Variants in TCF4 observed in about 807,000 individuals in gnomAD.
TCF4 encodes transcription factor 4.
TCF4 carries 3 observed loss-of-function variants against 82.1 expected under a neutral mutation model. The observed-to-expected ratio is 0.04, with a 90% CI of 0.02 to 0.09. TCF4 has a LOEUF of 0.09. Among genes scored for constraint, TCF4 ranks in the 10% least tolerant of loss-of-function variants. The pLI is 1.00. For synonymous variants in TCF4, 276 were observed against 309.6 expected (o/e 0.89, Z 1.14); for missense variants, 518 against 852.7 (o/e 0.61, Z 4.89).
At chr18:55,372,900 T>C (rs958520776) in intron 6 of TCF4, among the ~76,000 whole-genome samples, 4 of 152,068 alleles carry the variant, frequency 2.6e-5, no homozygotes, top group African/African-American at 4.8e-5. Flanking sequence ...AATAGAGATA[T>C]ATAATTTGAA....
At chr18:55,270,287 C>A (rs2060069604) in intron 10 of TCF4, among the ~76,000 whole-genome samples, 1 of 152,056 alleles carries the variant, frequency 6.6e-6, no homozygotes, top group African/African-American at 2.4e-5. Flanking sequence ...GACCACTCTA[C>A]TATTAATTTT....
intron 3 of TCF4, among the ~76,000 whole-genome samples, chr18:55,573,310 A>C (rs2097494124): frequency 6.6e-6 from 1 of 152,008 alleles, no homozygotes; most frequent in Non-Finnish European, 1.5e-5. Context: ...AAAAAAAAAA[A>C]AAAAACAAGT....
chr18:55,457,421 A>G (rs1017994063), intron 5 of TCF4, among the ~76,000 whole-genome samples: 1 of 152,258 alleles, frequency 6.6e-6, no homozygotes, highest in African/African-American at 2.4e-5. Context: ...GGGATTCACA[A>G]ACTATCAAAT....
chr18:55,298,597 T>C (rs1399047687), intron 8 of TCF4, among the ~76,000 whole-genome samples: 3 of 152,196 alleles, frequency 2.0e-5, no homozygotes, highest in African/African-American at 7.2e-5. Context: ...AACAGAAATG[T>C]TGTCTTAAGC....
intron 8 of TCF4, among the ~76,000 whole-genome samples, chr18:55,315,527 CA>C (rs1446304999): frequency 2.0e-5 from 3 of 151,996 alleles, no homozygotes; most frequent in African/African-American, 7.2e-5. Context: ...TTTAGCACTG[CA>C]AAAAGGAAAG....
intron 3 of TCF4, among the ~76,000 whole-genome samples, chr18:55,468,881 GCCC>G (rs5825142): frequency 4.7e-5 from 5 of 106,146 alleles, no homozygotes; most frequent in African/African-American, 1.4e-4. Context: ...TTTAGTTCTC[GCCC>G]CCCCCCCCCT....
At chr18:55,261,395 A>T in intron 12 of TCF4, 71 bp downstream of exon 12, 1 of 1,565,578 alleles carries the variant, frequency 6.4e-7, no homozygotes, top group Non-Finnish European at 8.8e-7. Flanking sequence ...TAAAATTCCA[A>T]ATGTCCACTT....
chr18:55,468,528 GC>G (rs1297812448), intron 3 of TCF4, among the ~76,000 whole-genome samples: 1 of 152,130 alleles, frequency 6.6e-6, no homozygotes, highest in Non-Finnish European at 1.5e-5. Context: ...CGATAGTTCA[GC>G]AAGTACACAG....
intron 6 of TCF4, among the ~76,000 whole-genome samples, chr18:55,389,053 G>C (rs1190002296): frequency 6.6e-6 from 1 of 150,724 alleles, no homozygotes; most frequent in Non-Finnish European, 1.5e-5. Context: ...ATGAACCCGG[G>C]AGGCAGGGAT....
intron 8 of TCF4, among the ~76,000 whole-genome samples, chr18:55,301,788 T>TAA (rs10652622): frequency 0.29 from 16,396 of 56,250 alleles, 2,862 homozygotes; most frequent in Middle Eastern, 0.39. Flanking sequence ...CCAAAAACTG[T>TAA]AAAAAAAAAA....
Position 55,232,681 on chromosome 18 carries a change from A to C in TCF4, c.1487-10T>G. 1.2e-6 allele frequency: 2 copies of C among 1,614,116 alleles called. No homozygotes were observed. The highest frequency in any genetic ancestry group is 1.7e-6 in the Non-Finnish European group (2 of 1,180,008). On this transcript the variant is annotated splice_polypyrimidine_tract_variant and intron_variant, in intron 16 of 19. Coordinates refer to ENST00000354452, the MANE Select transcript of TCF4 (RefSeq NM_001083962.2). ...AGTCCTGGTGGCATGCCTGCCGAAA[A>C]AGAGAAATCAGGTGACATGTACACC...
intron 6 of TCF4, among the ~76,000 whole-genome samples, chr18:55,374,142 G>C (rs952290197): frequency 6.6e-6 from 1 of 151,914 alleles, no homozygotes; most frequent in Non-Finnish European, 1.5e-5. Context: ...GAAAATCTAA[G>C]GGATGCAGCC....
chr18:55,618,584 T>G (rs1030699983), intron 2 of TCF4, among the ~76,000 whole-genome samples: 19 of 152,016 alleles, frequency 1.2e-4, no homozygotes, highest in Admixed American at 7.9e-4. Flanking sequence ...TCTCTTTTTT[T>G]TTTGTTTGTT....
At chr18:55,347,566 C>T (rs753979923) in intron 8 of TCF4, among the ~76,000 whole-genome samples, 8 of 152,124 alleles carry the variant, frequency 5.3e-5, no homozygotes, top group South Asian at 2.1e-4. Flanking sequence ...GCCAGGCCTA[C>T]GTTTTCTCTC....
chr18:55,610,555 A>G (rs2097706093), intron 2 of TCF4, among the ~76,000 whole-genome samples: 2 of 152,186 alleles, frequency 1.3e-5, no homozygotes, highest in Admixed American at 1.3e-4. Context: ...ATCAAAAGCC[A>G]CATTCTCTCA....
At chr18:55,594,367 C>T (rs148206081) in intron 2 of TCF4, among the ~76,000 whole-genome samples, 467 of 152,282 alleles carry the variant, frequency 3.1e-3, no homozygotes, top group Non-Finnish European at 5.5e-3. Flanking sequence ...TGACCAGCTC[C>T]CTCATCAGAC....
At chr18:55,303,660 T>C (rs1408255274) in intron 8 of TCF4, among the ~76,000 whole-genome samples, 1 of 151,922 alleles carries the variant, frequency 6.6e-6, no homozygotes, top group African/African-American at 2.4e-5. Context: ...TAAAAAAAGA[T>C]GGATAAAAGT....
intron 3 of TCF4, among the ~76,000 whole-genome samples, chr18:55,501,723 C>T (rs1006179356): frequency 9.9e-5 from 15 of 151,904 alleles, no homozygotes; most frequent in African/African-American, 3.1e-4. Context: ...AAAAAACCTT[C>T]GCTGAAGAAA....
intron 2 of TCF4, among the ~76,000 whole-genome samples, chr18:55,614,929 A>G (rs981600224): frequency 6.6e-6 from 1 of 152,150 alleles, no homozygotes; most frequent in African/African-American, 2.4e-5. Flanking sequence ...TATATGTTCC[A>G]AAGTATGAAT....
Sources: gnomAD v4.1 joint callset for allele counts (sites outside exome capture counted in the v4.1 genomes callset) on GRCh38, gnomAD v4.1.1 for gene constraint, MANE v1.5 for transcripts, NCBI Gene and HGNC (gene_info 2026-07-23, HGNC 2026-07-21) for gene names.